CMC1: variants seen among roughly 807,000 people sequenced by gnomAD.
The protein encoded by CMC1 is C-X9-C motif containing 1, also known as COX assembly mitochondrial protein homolog.
In CMC1, 14 loss-of-function variants were observed where a neutral mutation model predicts 14.1. The ratio of observed to expected loss-of-function variants is 0.99; its 90% CI spans 0.66 to 1.55. The LOEUF (loss-of-function observed/expected upper bound fraction) is 1.55. CMC1 is among the 40% of genes most tolerant of loss of function. The probability of loss-of-function intolerance (pLI) is 0.00; values close to 1 mark genes in which losing one functional copy is unlikely to be tolerated. For synonymous variants in CMC1, 50 were observed against 38.4 expected (o/e 1.30, Z -1.12); for missense variants, 127 against 123.8 (o/e 1.03, Z -0.12).
intron 1 of CMC1, among the ~76,000 whole-genome samples, chr3:28,255,722 T>TACACACACACACACACACAC (rs372487968): frequency 2.1e-5 from 3 of 144,268 alleles, no homozygotes; most frequent in African/African-American, 7.7e-5. Context: ...TACATGTACA[T>TACACACACACACACACACAC]ACACACACAC....
At chr3:28,287,328 C>G (rs1232594551) in intron 2 of CMC1, among the ~76,000 whole-genome samples, 1 of 152,138 alleles carries the variant, frequency 6.6e-6, no homozygotes, top group African/African-American at 2.4e-5. Flanking sequence ...AGAATGGCTA[C>G]TGGCTCTCTA....
chr3:28,276,564 A>T (rs766521026), intron 2 of CMC1, among the ~76,000 whole-genome samples: 1 of 152,176 alleles, frequency 6.6e-6, no homozygotes, highest in Non-Finnish European at 1.5e-5. Flanking sequence ...ATGAGAAATT[A>T]ATCTAAAATT....
At position 28,309,693 on chromosome 3, in the gene CMC1, T is replaced by C. The variant is rs1248111852; in HGVS notation, c.110-6640T>C. On this transcript the variant is annotated intron_variant, in intron 2 of 3. Coordinates refer to ENST00000466830, the MANE Select transcript of CMC1 (RefSeq NM_182523.2). ...CTAAGGTTCTGTGCAGAAGAAAACA[T>C]GATCTTGTCATTCCACTGTGCAAAC... 2.0e-5 allele frequency among the ~76,000 whole-genome samples: 3 copies of C among 152,082 alleles called. No homozygotes were observed. The East Asian group carries it at 5.8e-4, about 29-fold the overall frequency.
intron 2 of CMC1, among the ~76,000 whole-genome samples, chr3:28,314,472 C>T (rs1702790666): frequency 6.6e-6 from 1 of 152,148 alleles, no homozygotes; most frequent in Non-Finnish European, 1.5e-5. Context: ...AAAGAAGATA[C>T]TTGATTACGT....
intron 2 of CMC1, among the ~76,000 whole-genome samples, chr3:28,282,388 C>A (rs1009888417): frequency 5.9e-5 from 9 of 152,156 alleles, no homozygotes; most frequent in African/African-American, 1.9e-4. Context: ...GCAATGTAGT[C>A]CTACAGAGAT....
At chr3:28,302,828 G>A (rs112852945) in intron 2 of CMC1, among the ~76,000 whole-genome samples, 1,841 of 152,162 alleles carry the variant, frequency 0.012, 37 homozygotes, top group African/African-American at 0.041. Flanking sequence ...TGCTTCCCAG[G>A]TCTCATTTGT....
chr3:28,289,664 C>T (rs540163213), intron 2 of CMC1, among the ~76,000 whole-genome samples: 3 of 152,068 alleles, frequency 2.0e-5, no homozygotes, highest in Non-Finnish European at 4.4e-5. Flanking sequence ...ATGCAGGAAT[C>T]TTTCTAACAA....
chr3:28,274,025 G>A (rs944869706), intron 2 of CMC1, among the ~76,000 whole-genome samples: 5 of 151,988 alleles, frequency 3.3e-5, no homozygotes, highest in Non-Finnish European at 5.9e-5. Context: ...ACACTAATGG[G>A]TCTTGACTCT....
intron 2 of CMC1, among the ~76,000 whole-genome samples, chr3:28,290,200 G>A (rs1701397338): frequency 6.6e-6 from 1 of 151,756 alleles, no homozygotes; most frequent in Admixed American, 6.6e-5. Context: ...ATTCTTGTCT[G>A]TAACCATAAA....
intron 2 of CMC1, among the ~76,000 whole-genome samples, chr3:28,266,087 C>G (rs770363189): frequency 6.6e-6 from 1 of 152,042 alleles, no homozygotes; most frequent in Non-Finnish European, 1.5e-5. Flanking sequence ...CTTACTAGTT[C>G]TGTCTTCATT....
At chr3:28,300,337 C>T (rs901344142) in intron 2 of CMC1, among the ~76,000 whole-genome samples, 10 of 151,984 alleles carry the variant, frequency 6.6e-5, no homozygotes, top group Non-Finnish European at 1.0e-4. Flanking sequence ...AATTTATATT[C>T]GAGAACAATT....
At chr3:28,288,381 C>T (rs1577053129) in intron 2 of CMC1, among the ~76,000 whole-genome samples, 1 of 152,042 alleles carries the variant, frequency 6.6e-6, no homozygotes, top group East Asian at 1.9e-4. Context: ...TACTTTATCT[C>T]CATCTTGTGG....
chr3:28,252,408 C>T (rs1699175937), intron 1 of CMC1, among the ~76,000 whole-genome samples: 3 of 152,162 alleles, frequency 2.0e-5, no homozygotes, highest in Non-Finnish European at 4.4e-5. Context: ...TGAGCTTATA[C>T]AAAATTAGAT....
intron 1 of CMC1, among the ~76,000 whole-genome samples, chr3:28,254,776 A>T (rs1699306671): frequency 6.6e-6 from 1 of 152,224 alleles, no homozygotes; most frequent in South Asian, 2.1e-4. Flanking sequence ...GAAAAAAAGT[A>T]ACAATTTGAA....
At chr3:28,297,695 T>C (rs1186699475) in intron 2 of CMC1, among the ~76,000 whole-genome samples, 1 of 152,056 alleles carries the variant, frequency 6.6e-6, no homozygotes, top group Non-Finnish European at 1.5e-5. Flanking sequence ...CTATTTACAA[T>C]TGTGAGATTT....
chr3:28,291,313 C>A (rs1209721490), intron 2 of CMC1, among the ~76,000 whole-genome samples: 1 of 152,122 alleles, frequency 6.6e-6, no homozygotes, highest in Non-Finnish European at 1.5e-5. Context: ...TGGAAGCTGT[C>A]TTCCAAAATA....
Position 28,323,882 on chromosome 3 carries a change from T to A in CMC1, c.*4253T>A. 1 of 709,868 alleles carries A rather than the reference T, an allele frequency of 1.4e-6. No homozygotes were observed. The highest frequency in any genetic ancestry group is 2.2e-6 in the Non-Finnish European group (1 of 448,806). 44.0% of individuals were successfully genotyped at this position (709,868 alleles called of 1,614,324 possible). ...CTCTTTCATACTAGAAAACCAACTA[T>A]GTTGGTTTTTGTACTATTGTACAGT... is the stretch of plus-strand genomic sequence containing the variant. On this transcript the variant is annotated 3_prime_UTR_variant, in exon 4 of 4. Coordinates refer to ENST00000466830, the MANE Select transcript of CMC1 (RefSeq NM_182523.2).
At chr3:28,281,730 A>C (rs1245953046) in intron 2 of CMC1, among the ~76,000 whole-genome samples, 1 of 152,212 alleles carries the variant, frequency 6.6e-6, no homozygotes, top group African/African-American at 2.4e-5. Context: ...AAAATAAGCC[A>C]GTGAATTCTG....
At position 28,263,275 on chromosome 3, in the gene CMC1, ATC is replaced by A; in HGVS notation, c.20-14_20-13del. On this transcript the variant is annotated splice_polypyrimidine_tract_variant and intron_variant, in intron 1 of 3. Coordinates refer to ENST00000466830, the MANE Select transcript of CMC1 (RefSeq NM_182523.2). ...TTGCTTGAGACTTTATTAAAGAAAG[ATC>A]TTTTTTTTTTCAGACCAGCATCTCA... 1 of 1,556,312 alleles carries A rather than the reference ATC, an allele frequency of 6.4e-7. No homozygotes were observed. Among genetic ancestry groups the A allele is most frequent in the Non-Finnish European group, 8.8e-7 (1 of 1,142,010 alleles).
Sources: allele counts gnomAD v4.1 joint callset (sites outside exome capture counted in the v4.1 genomes callset), GRCh38; gene constraint gnomAD v4.1.1; transcripts MANE v1.5; gene names NCBI Gene and HGNC (gene_info 2026-07-23, HGNC 2026-07-21).